The following GHR variants were observed in gnomAD, a reference collection of about 807,000 sequenced individuals.
The protein encoded by GHR is GH receptor.
A neutral mutation model predicts 67.1 loss-of-function variants in GHR; 35 were observed. The ratio of observed to expected loss-of-function variants is 0.52; its 90% confidence interval spans 0.40 to 0.69. The LOEUF (loss-of-function observed/expected upper bound fraction) is 0.69. Ranked by LOEUF, GHR falls within the 30% of genes least tolerant of loss-of-function variation. The pLI is 0.00. For synonymous variants in GHR, 272 were observed against 269.1 expected (o/e 1.01, Z -0.10); for missense variants, 792 against 764.6 (o/e 1.04, Z -0.42).
Position 42,479,763 on chromosome 5 carries a change from G to C in GHR, c.-12+55808G>C, listed in dbSNP as rs1395700975. ...TTATCATTTTTTATTGCGTCTATTT[G>C]ATTATTCTCTCTTTTCTTCTTTATT... On this transcript the variant is annotated intron_variant, in intron 1 of 9. Coordinates refer to ENST00000230882, the MANE Select transcript of GHR (RefSeq NM_000163.5). 6.6e-5 allele frequency among the ~76,000 whole-genome samples: 10 copies of C among 152,020 alleles called. No individual in the cohort carries two copies. The East Asian group carries it at 1.9e-3, about 29-fold the overall frequency.
At chr5:42,692,380 C>T (rs1216221183) in intron 4 of GHR, among the ~76,000 whole-genome samples, 3 of 152,010 alleles carry the variant, frequency 2.0e-5, no homozygotes, top group African/African-American at 4.8e-5. Context: ...AAGCACTTAA[C>T]TTTTGGGAGT....
intron 3 of GHR, among the ~76,000 whole-genome samples, chr5:42,672,991 T>G (rs1756392342): frequency 6.6e-6 from 1 of 151,984 alleles, no homozygotes; most frequent in Admixed American, 6.6e-5. Context: ...ACAGAATGGG[T>G]GAAAATCTTC....
At chr5:42,475,095 GC>G (rs1270272170) in intron 1 of GHR, among the ~76,000 whole-genome samples, 1 of 151,894 alleles carries the variant, frequency 6.6e-6, no homozygotes, top group Non-Finnish European at 1.5e-5. Flanking sequence ...CGTTGGCCAG[GC>G]TTGTCTGGAA....
chr5:42,623,006 T>G (rs1309959881), intron 2 of GHR, among the ~76,000 whole-genome samples: 1 of 152,242 alleles, frequency 6.6e-6, no homozygotes, highest in African/African-American at 2.4e-5. Context: ...AAGTCTAATG[T>G]AAACACAATG....
intron 1 of GHR, among the ~76,000 whole-genome samples, chr5:42,556,758 G>T (rs1170517279): frequency 3.3e-5 from 5 of 152,180 alleles, no homozygotes; most frequent in East Asian, 1.9e-4. Context: ...CACAGGGATA[G>T]TTGCGGGGAG....
chr5:42,461,527 T>C (rs1369973932), intron 1 of GHR, among the ~76,000 whole-genome samples: 1 of 152,220 alleles, frequency 6.6e-6, no homozygotes, highest in Non-Finnish European at 1.5e-5. Flanking sequence ...TTGTCATTTC[T>C]TTGGGGAGGC....
intron 3 of GHR, among the ~76,000 whole-genome samples, chr5:42,654,705 G>A (rs1258329116): frequency 6.6e-6 from 1 of 152,108 alleles, no homozygotes; most frequent in Non-Finnish European, 1.5e-5. Context: ...TGACTCAGTA[G>A]CCTGAGGTGG....
At chr5:42,470,732 A>G (rs563615778) in intron 1 of GHR, among the ~76,000 whole-genome samples, 2 of 152,254 alleles carry the variant, frequency 1.3e-5, no homozygotes, top group East Asian at 3.9e-4. Flanking sequence ...CCATTGTTAA[A>G]TGGAAATGTT....
At chr5:42,709,290 C>T (rs1758336946) in intron 6 of GHR, among the ~76,000 whole-genome samples, 1 of 152,164 alleles carries the variant, frequency 6.6e-6, no homozygotes, top group African/African-American at 2.4e-5. Context: ...CAAGCCACCA[C>T]ACCCAGCTAA....
At chr5:42,707,913 A>G (rs1250811221) in intron 6 of GHR, among the ~76,000 whole-genome samples, 1 of 152,130 alleles carries the variant, frequency 6.6e-6, no homozygotes, top group African/African-American at 2.4e-5. Flanking sequence ...TTCATTCTAA[A>G]AAGTGATTTG....
At chr5:42,468,590 T>C (rs942333015) in intron 1 of GHR, 2 of 1,008,748 alleles carry the variant, frequency 2.0e-6, no homozygotes, top group African/African-American at 3.3e-5. Context: ...CTGCGTCTCC[T>C]CTTTCCTGTC....
At chr5:42,577,336 A>T (rs1249552645) in intron 2 of GHR, among the ~76,000 whole-genome samples, 2 of 152,228 alleles carry the variant, frequency 1.3e-5, no homozygotes, top group Non-Finnish European at 2.9e-5. Flanking sequence ...TTATGAATTG[A>T]TATTCACTGG....
chr5:42,681,148 A>G (rs1756845699), intron 3 of GHR, among the ~76,000 whole-genome samples: 1 of 152,200 alleles, frequency 6.6e-6, no homozygotes, highest in South Asian at 2.1e-4. Flanking sequence ...GCACAGCAAA[A>G]GAAACTACCA....
chr5:42,438,052 A>G (rs921932155), intron 1 of GHR, among the ~76,000 whole-genome samples: 3 of 152,184 alleles, frequency 2.0e-5, no homozygotes, highest in Non-Finnish European at 4.4e-5. Context: ...ATAAACTCTT[A>G]GAAGGCAAAG....
At chr5:42,442,824 A>T (rs34238501) in intron 1 of GHR, among the ~76,000 whole-genome samples, 104 of 152,358 alleles carry the variant, frequency 6.8e-4, no homozygotes, top group African/African-American at 2.4e-3. Flanking sequence ...ACAAAAACAA[A>T]AAACACTGAA....
intron 1 of GHR, among the ~76,000 whole-genome samples, chr5:42,462,668 T>C (rs1181577653): frequency 6.6e-6 from 1 of 151,906 alleles, no homozygotes; most frequent in East Asian, 1.9e-4. Flanking sequence ...GCCTTTGTTT[T>C]AGATATTTGA....
At chr5:42,660,555 C>T (rs1457326171) in intron 3 of GHR, among the ~76,000 whole-genome samples, 1 of 152,204 alleles carries the variant, frequency 6.6e-6, no homozygotes, top group East Asian at 1.9e-4. Flanking sequence ...AGGGTCCTGT[C>T]TGTTAGAAGG....
At chr5:42,468,915 C>T (rs2112088865) in intron 1 of GHR, 3 of 580,740 alleles carry the variant, frequency 5.2e-6, no homozygotes, top group Non-Finnish European at 8.7e-6. Context: ...CGGGCTGCGC[C>T]GAGCCAAGAG....
chr5:42,657,183 T>C (rs938283955), intron 3 of GHR, among the ~76,000 whole-genome samples: 2 of 152,132 alleles, frequency 1.3e-5, no homozygotes, highest in Non-Finnish European at 2.9e-5. Context: ...CATGATTTTT[T>C]CCTCATGGAG....
Sources: gnomAD v4.1 joint callset for allele counts (sites outside exome capture counted in the v4.1 genomes callset) on GRCh38, gnomAD v4.1.1 for gene constraint, MANE v1.5 for transcripts, NCBI Gene and HGNC (gene_info 2026-07-23, HGNC 2026-07-21) for gene names.